NAALADL2: variants seen among roughly 807,000 people sequenced by gnomAD.
NAALADL2 encodes the protein inactive N-acetylated-alpha-linked acidic dipeptidase-like protein 2.
A neutral mutation model predicts 87.2 loss-of-function variants in NAALADL2; 76 were observed. The observed-to-expected ratio is 0.87, with a 90% CI of 0.72 to 1.05. NAALADL2 has a LOEUF of 1.05. NAALADL2 is among the 50% of genes least tolerant of loss of function. The probability of loss-of-function intolerance (pLI) is 0.00; values close to 1 mark genes in which losing one functional copy is unlikely to be tolerated. For synonymous variants in NAALADL2, 354 were observed against 331.0 expected, an observed-to-expected ratio of 1.07 and a Z score of -0.75; for missense variants, 1,089 against 945.8, an observed-to-expected ratio of 1.15 and a Z score of -1.99.
chr3:174,757,453 G>A (rs1484518675), intron 3 of NAALADL2, among the ~76,000 whole-genome samples: 2 of 151,960 alleles, frequency 1.3e-5, no homozygotes, highest in African/African-American at 2.4e-5. Context: ...AGATGCTTTG[G>A]TTTTCCTCAG....
At chr3:175,664,563 T>C (rs1732698251) in intron 11 of NAALADL2, among the ~76,000 whole-genome samples, 1 of 151,732 alleles carries the variant, frequency 6.6e-6, no homozygotes, top group African/African-American at 2.4e-5. Flanking sequence ...GAACATCTGC[T>C]GAAAAGACTC....
intron 2 of NAALADL2, among the ~76,000 whole-genome samples, chr3:174,674,143 G>A (rs899230164): frequency 2.6e-5 from 4 of 151,926 alleles, no homozygotes; most frequent in Admixed American, 2.6e-4. Flanking sequence ...GAACAGACAT[G>A]TCATATGGTA....
chr3:175,465,473 C>CTTTTTTTT lies in NAALADL2; in HGVS notation c.1328-1494_1328-1487dup, dbSNP rs71164634. Reference sequence around the variant, plus strand: ...ACACTATGTATACCATGAATTAAATCTTTTTTTTTTTTTTTTTTTGAGATG... The same window carrying CTTTTTTTT: ...ACACTATGTATACCATGAATTAAATCTTTTTTTTTTTTTTTTTTTTTTTTTTTGAGATG... On this transcript the variant is annotated intron_variant, in intron 7 of 13. Coordinates refer to ENST00000454872, the MANE Select transcript of NAALADL2 (RefSeq NM_207015.3). 8.4e-5 allele frequency among the ~76,000 whole-genome samples: 9 copies of CTTTTTTTT among 106,738 alleles called. 1 individual carries two copies. In the East Asian group the frequency reaches 9.8e-4, roughly 12 times the overall value. The allele number at this position is 106,738 out of a possible 152,430, so 70.0% of individuals were successfully genotyped here. A position where few individuals can be genotyped will look rare whatever the true frequency, so the allele number is the denominator to read the frequency against.
intron 2 of NAALADL2, among the ~76,000 whole-genome samples, chr3:175,172,558 A>G (rs1438320657): frequency 6.6e-6 from 1 of 152,174 alleles, no homozygotes; most frequent in Non-Finnish European, 1.5e-5. Context: ...AATGTCCAGC[A>G]TTTTGTAAAG....
intron 5 of NAALADL2, among the ~76,000 whole-genome samples, chr3:175,376,905 C>T (rs1301857648): frequency 1.3e-5 from 2 of 152,024 alleles, no homozygotes; most frequent in African/African-American, 2.4e-5. Flanking sequence ...GTTAATCCCT[C>T]CCAGTAAATT....
intron 1 of NAALADL2, among the ~76,000 whole-genome samples, chr3:174,938,948 A>G (rs1738147142): frequency 6.6e-6 from 1 of 151,946 alleles, no homozygotes; most frequent in African/African-American, 2.4e-5. Context: ...GAGTAAGCAG[A>G]TATTTTCTCC....
At chr3:175,794,512 TAA>T (rs1444421191) in intron 13 of NAALADL2, among the ~76,000 whole-genome samples, 2 of 152,214 alleles carry the variant, frequency 1.3e-5, no homozygotes, top group African/African-American at 2.4e-5. Context: ...TACAAAAATA[TAA>T]GTTTTCTTTA....
rs186527301 is a variant in NAALADL2, at chr3:175,447,390, G to C, written c.1234+18G>C. The C allele has an allele frequency of 4.0e-6, 6 of 1,516,676 alleles. No homozygotes were observed. The highest frequency in any genetic ancestry group is 4.4e-6 in the Non-Finnish European group (5 of 1,129,982). The allele number at this position is 1,516,676 out of a possible 1,614,324, so 94.0% of individuals were successfully genotyped here. On this transcript the variant is annotated intron_variant, in intron 6 of 13. Transcript: ENST00000454872. ...AAATAATGGTAAAGTATTTAATGTC[G>C]TTCTCTGTATTTTACAGTTTTTTTA...
At chr3:174,541,330 T>G (rs914968604) in intron 1 of NAALADL2, among the ~76,000 whole-genome samples, 1 of 152,182 alleles carries the variant, frequency 6.6e-6, no homozygotes, top group African/African-American at 2.4e-5. Context: ...CTGAATGACG[T>G]TTCTAAAAAT....
At chr3:174,676,435 C>T (rs1727044227) in intron 2 of NAALADL2, among the ~76,000 whole-genome samples, 1 of 151,866 alleles carries the variant, frequency 6.6e-6, no homozygotes. Flanking sequence ...CATATAAAAT[C>T]AAGTGTCTAT....
At chr3:175,115,638 A>C (rs1471258534) in intron 2 of NAALADL2, among the ~76,000 whole-genome samples, 1 of 151,692 alleles carries the variant, frequency 6.6e-6, no homozygotes, top group Non-Finnish European at 1.5e-5. Context: ...TTTGCTAGGC[A>C]TATGGGTTGT....
intron 1 of NAALADL2, among the ~76,000 whole-genome samples, chr3:175,060,337 G>C (rs962756586): frequency 6.6e-6 from 1 of 152,138 alleles, no homozygotes; most frequent in Non-Finnish European, 1.5e-5. Context: ...AATACAAATA[G>C]AATTTCATCC....
intron 11 of NAALADL2, among the ~76,000 whole-genome samples, chr3:175,627,659 G>A (rs920017220): frequency 4.6e-5 from 7 of 151,548 alleles, no homozygotes; most frequent in Admixed American, 4.6e-4. Context: ...TTGGGCTAGC[G>A]CTGGAACTCA....
At chr3:175,507,432 TG>T (rs1285692273) in intron 9 of NAALADL2, among the ~76,000 whole-genome samples, 1 of 152,220 alleles carries the variant, frequency 6.6e-6, no homozygotes, top group Non-Finnish European at 1.5e-5. Context: ...TATTAATTTT[TG>T]TTTTTTGAGA....
At chr3:174,721,355 A>G (rs1034217982) in intron 2 of NAALADL2, among the ~76,000 whole-genome samples, 2 of 152,184 alleles carry the variant, frequency 1.3e-5, no homozygotes, top group Non-Finnish European at 2.9e-5. Flanking sequence ...CCTTTCCTCA[A>G]ATAAGCAAAT....
chr3:174,820,347 C>A (rs896868506), intron 3 of NAALADL2, among the ~76,000 whole-genome samples: 1 of 152,100 alleles, frequency 6.6e-6, no homozygotes, highest in Non-Finnish European at 1.5e-5. Context: ...TTTCTATTCT[C>A]AGGAATATGC....
chr3:175,236,579 G>A lies in NAALADL2; in HGVS notation c.819+2375G>A, dbSNP rs938662039. On this transcript the variant is annotated intron_variant, in intron 3 of 13. Transcript: ENST00000454872. ...AAAAAAAAAAAAAAGAAGAAAAAGC[G>A]GGGGTGGGTATATTAACAGATATTG... Among the ~76,000 whole-genome samples, 3 of 151,004 alleles carry A rather than the reference G, an allele frequency of 2.0e-5. 1 individual carries two copies. Among genetic ancestry groups the A allele is most frequent in the Middle Eastern group, 6.9e-3 (2 of 290 alleles).
chr3:175,360,465 T>G (rs1291190477), intron 5 of NAALADL2, among the ~76,000 whole-genome samples: 1 of 152,086 alleles, frequency 6.6e-6, no homozygotes, highest in African/African-American at 2.4e-5. Context: ...CTCTTGCTTC[T>G]TTTCCTAAAT....
intron 2 of NAALADL2, among the ~76,000 whole-genome samples, chr3:175,214,543 T>A (rs560001608): frequency 6.6e-6 from 1 of 152,306 alleles, no homozygotes; most frequent in East Asian, 1.9e-4. Context: ...ATTAAATTAT[T>A]GCTTATCATC....
Sources: allele counts gnomAD v4.1 joint callset (sites outside exome capture counted in the v4.1 genomes callset), GRCh38; gene constraint gnomAD v4.1.1; transcripts MANE v1.5; gene names NCBI Gene and HGNC (gene_info 2026-07-23, HGNC 2026-07-21).